The following ONECUT2 variants were observed in gnomAD, a reference collection of about 807,000 sequenced individuals.
ONECUT2 encodes the protein one cut domain family member 2.
A neutral mutation model predicts 27.9 loss-of-function variants in ONECUT2; 10 were observed. The ratio of observed to expected loss-of-function variants is 0.36; its 90% CI spans 0.22 to 0.61. The LOEUF is 0.61. ONECUT2 is among the 20% of genes least tolerant of loss of function. The pLI, the probability that ONECUT2 is intolerant of heterozygous loss-of-function variation, is 0.73. For synonymous variants in ONECUT2, 334 were observed against 315.1 expected (o/e 1.06, Z -0.64); for missense variants, 686 against 721.0 (o/e 0.95, Z 0.56).
At chr18:57,444,952 AGTTG>A (rs1271658165) in intron 1 of ONECUT2, among the ~76,000 whole-genome samples, 5 of 152,184 alleles carry the variant, frequency 3.3e-5, no homozygotes, top group Non-Finnish European at 7.3e-5. Context: ...GTAATGACCC[AGTTG>A]GGGATGTTTT....
At position 57,489,201 on chromosome 18, in the gene ONECUT2, A is replaced by G. The variant is rs1354566262; in HGVS notation, c.*12478A>G. 6.6e-6 allele frequency: 1 copy of G among 152,174 alleles called. No individual in the cohort carries two copies. The highest frequency in any genetic ancestry group is 1.5e-5 in the Non-Finnish European group (1 of 68,038). The allele number at this position is 152,174 out of a possible 1,614,324, so 9.4% of individuals were successfully genotyped here. A position where few individuals can be genotyped will look rare whatever the true frequency, so the allele number is the denominator to read the frequency against. On this transcript the variant is annotated 3_prime_UTR_variant, in exon 2 of 2. Transcript: ENST00000491143. Reference sequence around the variant, plus strand: ...CCACATCAGAAGTCCCCCTCCCACCATCCTCTGCATCCTGTTTAGCTATCC... The same window carrying G: ...CCACATCAGAAGTCCCCCTCCCACCGTCCTCTGCATCCTGTTTAGCTATCC...
chr18:57,473,755 G>A (rs1009653785), intron 1 of ONECUT2, among the ~76,000 whole-genome samples: 7 of 152,328 alleles, frequency 4.6e-5, no homozygotes, highest in Admixed American at 4.6e-4. Flanking sequence ...GCACCTTAAA[G>A]TTTAGCAGCA....
chr18:57,453,640 C>T (rs573085281), intron 1 of ONECUT2, among the ~76,000 whole-genome samples: 31 of 754 alleles, frequency 0.041, no homozygotes, highest in African/African-American at 0.052. Context: ...AGATTCTGAG[C>T]ATTGTGAACT....
chr18:57,491,050 C>T lies in ONECUT2; in HGVS notation c.*14327C>T, dbSNP rs764874788. On this transcript the variant is annotated 3_prime_UTR_variant, in exon 2 of 2. Coordinates refer to ENST00000491143, the MANE Select transcript of ONECUT2 (RefSeq NM_004852.3). The stretch of plus-strand genomic sequence containing the variant: ...AACAGGGTATATGTTCAGTGGCTGC[C>T]CTGAAATCCTGGTGGGGATGAGGAT... 2.6e-5 allele frequency: 4 copies of T among 152,630 alleles called. No homozygotes were observed. The highest frequency in any genetic ancestry group is 2.0e-4 in the Admixed American group (3 of 15,276). 9.5% of individuals were successfully genotyped at this position (152,630 alleles called of 1,614,324 possible).
Position 57,444,994 on chromosome 18 carries a change from G to A in ONECUT2, c.1228+8050G>A, listed in dbSNP as rs544169835. The stretch of plus-strand genomic sequence containing the variant: ...TCATTCTTCTAAAATGACATGCAGG[G>A]ATAAAGACAAAATAGATGCATTTGG... On this transcript the variant is annotated intron_variant, in intron 1 of 1. Transcript: ENST00000491143. Among the ~76,000 whole-genome samples, 6 of 152,216 alleles carry A rather than the reference G, an allele frequency of 3.9e-5. No individual in the cohort carries two copies. The South Asian group carries it at 1.2e-3, about 32-fold the overall frequency.
intron 1 of ONECUT2, among the ~76,000 whole-genome samples, chr18:57,438,927 G>T (rs116148235): frequency 6.6e-6 from 1 of 152,126 alleles, no homozygotes; most frequent in African/African-American, 2.4e-5. Flanking sequence ...AATGTCCCAG[G>T]CTGTCTCTGG....
chr18:57,476,407 ACTC>A, intron 1 of ONECUT2, 27 bp from the exon 2 acceptor site: 1 of 1,606,076 alleles, frequency 6.2e-7, no homozygotes, highest in South Asian at 1.1e-5. Flanking sequence ...GAGCCCACTG[ACTC>A]CTCTCCTTCT....
Position 57,489,058 on chromosome 18 carries a change from T to A in ONECUT2, c.*12335T>A, listed in dbSNP as rs974733189. 1 of 152,266 alleles carries A rather than the reference T, an allele frequency of 6.6e-6. No homozygotes were observed. The highest frequency in any genetic ancestry group is 1.5e-5 in the Non-Finnish European group (1 of 68,096). 9.4% of individuals were successfully genotyped at this position (152,266 alleles called of 1,614,324 possible). ...ACTCACCTTTCCCCACCTTGCACAC[T>A]ATCCAGTCAAGGCTATTGCAGCCCA... On this transcript the variant is annotated 3_prime_UTR_variant, in exon 2 of 2. Transcript: ENST00000491143.
intron 1 of ONECUT2, among the ~76,000 whole-genome samples, chr18:57,458,765 T>G (rs1298964411): frequency 6.6e-6 from 1 of 152,046 alleles, no homozygotes; most frequent in East Asian, 1.9e-4. Context: ...TGAGAGGTCA[T>G]GGAGATGCAC....
intron 1 of ONECUT2, among the ~76,000 whole-genome samples, chr18:57,474,381 A>T (rs1181940389): frequency 6.6e-6 from 1 of 152,226 alleles, no homozygotes; most frequent in African/African-American, 2.4e-5. Flanking sequence ...TTAAGGCTCC[A>T]GTAACAACCA....
rs1230053002 is a variant in ONECUT2 at position 57,485,529 on chromosome 18, C to T, written c.*8806C>T. On this transcript the variant is annotated 3_prime_UTR_variant, in exon 2 of 2. Coordinates refer to ENST00000491143, the MANE Select transcript of ONECUT2 (RefSeq NM_004852.3). Reference sequence around the variant, plus strand: ...ATCACTATTAAGAGCCATTCATCAACGTGATTTGTGTGTTAGCCAATGAAT... The same window carrying T: ...ATCACTATTAAGAGCCATTCATCAATGTGATTTGTGTGTTAGCCAATGAAT... 1 of 152,178 alleles carries T rather than the reference C, an allele frequency of 6.6e-6. No homozygotes were observed. Among genetic ancestry groups the T allele is most frequent in the Non-Finnish European group, 1.5e-5 (1 of 68,032 alleles). The allele number at this position is 152,178 out of a possible 1,614,324, so 9.4% of individuals were successfully genotyped here.
At chr18:57,450,737 C>T (rs1598934048) in intron 1 of ONECUT2, among the ~76,000 whole-genome samples, 1 of 152,228 alleles carries the variant, frequency 6.6e-6, no homozygotes, top group Non-Finnish European at 1.5e-5. Flanking sequence ...TTTTAATTAT[C>T]AGTAAACTAA....
chr18:57,467,349 TTTTTTTGTTTG>T, intron 1 of ONECUT2: 2 of 279,186 alleles, frequency 7.2e-6, no homozygotes, highest in Middle Eastern at 8.1e-4. Flanking sequence ...CCTTTGGTTT[TTTTTTTGTTTG>T]TTTGTTTGTT....
intron 1 of ONECUT2, among the ~76,000 whole-genome samples, chr18:57,460,473 T>G (rs1446783142): frequency 6.6e-6 from 1 of 152,070 alleles, no homozygotes; most frequent in Non-Finnish European, 1.5e-5. Context: ...TTAAATTCTG[T>G]GTCAACGTCA....
chr18:57,472,919 T>C (rs1386636596), intron 1 of ONECUT2, among the ~76,000 whole-genome samples: 1 of 152,190 alleles, frequency 6.6e-6, no homozygotes, highest in African/African-American at 2.4e-5. Flanking sequence ...TTGCAGAAGA[T>C]ATTTGCCTGG....
chr18:57,458,255 G>C (rs540612093), intron 1 of ONECUT2, among the ~76,000 whole-genome samples: 1 of 152,238 alleles, frequency 6.6e-6, no homozygotes, highest in African/African-American at 2.4e-5. Flanking sequence ...TCAGAATAAA[G>C]TCCTCTTTGC....
rs1041498741 is a variant in ONECUT2, at chr18:57,480,339, T to A, written c.*3616T>A. Reference sequence around the variant, plus strand: ...TGTGGGTTGATTTCAACTTGGGTATTTCTAAAAGAGTCCTTGTGACATGTG... The same window carrying A: ...TGTGGGTTGATTTCAACTTGGGTATATCTAAAAGAGTCCTTGTGACATGTG... On this transcript the variant is annotated 3_prime_UTR_variant, in exon 2 of 2. Transcript: ENST00000491143. The A allele has an allele frequency of 2.6e-5, 4 of 152,220 alleles. No homozygotes were observed. Among genetic ancestry groups the A allele is most frequent in the African/African-American group, 9.6e-5 (4 of 41,460 alleles). 9.4% of individuals were successfully genotyped at this position (152,220 alleles called of 1,614,324 possible).
At chr18:57,470,467 T>C (rs1347238425) in intron 1 of ONECUT2, among the ~76,000 whole-genome samples, 2 of 152,086 alleles carry the variant, frequency 1.3e-5, no homozygotes, top group African/African-American at 4.8e-5. Flanking sequence ...CTTTCAGAGA[T>C]GTTGTGAAAA....
At chr18:57,454,804 C>T (rs546863828) in intron 1 of ONECUT2, among the ~76,000 whole-genome samples, 3 of 152,240 alleles carry the variant, frequency 2.0e-5, no homozygotes, top group Admixed American at 6.5e-5. Flanking sequence ...TTTAAGACTC[C>T]CTTAACAGTT....
Sources: gnomAD v4.1 joint callset for allele counts (sites outside exome capture counted in the v4.1 genomes callset) on GRCh38, gnomAD v4.1.1 for gene constraint, MANE v1.5 for transcripts, NCBI Gene and HGNC (gene_info 2026-07-23, HGNC 2026-07-21) for gene names.